Variants in THADA observed in about 807,000 individuals in gnomAD.
THADA encodes the protein THADA armadillo repeat containing.
In THADA, 213 loss-of-function variants were observed where a neutral mutation model predicts 219.8. The observed-to-expected ratio is 0.97, with a 90% CI of 0.87 to 1.09. THADA has a LOEUF of 1.09. THADA is among the 50% of genes least tolerant of loss of function. THADA has a pLI of 0.00. For synonymous variants in THADA, 1,018 were observed against 828.9 expected (o/e 1.23, Z -3.92); for missense variants, 2,956 against 2,311.3 (o/e 1.28, Z -5.72).
At chr2:43,568,844 A>G (rs1698973797) in intron 14 of THADA, among the ~76,000 whole-genome samples, 1 of 152,158 alleles carries the variant, frequency 6.6e-6, no homozygotes, top group South Asian at 2.1e-4. Context: ...GGATTTTGAA[A>G]CCAGCCTGGG....
chr2:43,375,655 T>C (rs974641035), intron 29 of THADA, among the ~76,000 whole-genome samples: 4 of 152,216 alleles, frequency 2.6e-5, no homozygotes, highest in African/African-American at 9.7e-5. Flanking sequence ...GTTTTCTTTT[T>C]CTAAATACAA....
Position 43,325,967 on chromosome 2 carries a change from T to G in THADA, c.4344-5427A>C, listed in dbSNP as rs114566928. 9.8e-4 allele frequency among the ~76,000 whole-genome samples: 149 copies of G among 152,316 alleles called. 2 individuals are homozygous for G. The highest frequency in any genetic ancestry group is 3.3e-3 in the African/African-American group (138 of 41,566). On this transcript the variant is annotated intron_variant, in intron 30 of 37. Coordinates refer to ENST00000405975, the MANE Select transcript of THADA (RefSeq NM_022065.5). ...GTATCCAAAATGGCAGTGGATATCTTGAAAGCACACATTCCTGAAATTAAA... is the reference window on the plus strand; with the variant it reads ...GTATCCAAAATGGCAGTGGATATCTGGAAAGCACACATTCCTGAAATTAAA...
chr2:43,257,281 C>A (rs1317979031), intron 36 of THADA, among the ~76,000 whole-genome samples: 2 of 152,226 alleles, frequency 1.3e-5, no homozygotes, highest in Admixed American at 6.5e-5. Context: ...AGTGTCTGCT[C>A]CCACTGGGAG....
intron 30 of THADA, among the ~76,000 whole-genome samples, chr2:43,334,006 G>C (rs1305154826): frequency 6.6e-6 from 1 of 152,194 alleles, no homozygotes; most frequent in East Asian, 1.9e-4. Flanking sequence ...CTGTTGTAAA[G>C]CAAAATAGAA....
chr2:43,514,868 TTATG>T (rs1691125067), intron 22 of THADA, among the ~76,000 whole-genome samples: 2 of 83,392 alleles, frequency 2.4e-5, no homozygotes, highest in South Asian at 8.1e-4. Flanking sequence ...AATATATATT[TTATG>T]TATAATATGT....
intron 30 of THADA, among the ~76,000 whole-genome samples, chr2:43,331,839 G>A (rs536383135): frequency 6.6e-6 from 1 of 151,322 alleles, no homozygotes; most frequent in African/African-American, 2.4e-5. Context: ...GTACTTCTAT[G>A]TATTTCACTG....
intron 21 of THADA, among the ~76,000 whole-genome samples, chr2:43,539,224 T>C (rs963150866): frequency 2.6e-5 from 4 of 152,220 alleles, no homozygotes; most frequent in Admixed American, 6.5e-5. Context: ...CTTAAACTCA[T>C]AGTTTTACCA....
chr2:43,344,323 T>G, intron 29 of THADA, 86 bp from the exon 30 acceptor site: 1 of 931,562 alleles, frequency 1.1e-6, no homozygotes, highest in South Asian at 1.7e-5. Flanking sequence ...TTCCTTAAAA[T>G]GTTCCCCTCA....
At chr2:43,300,503 A>C (rs1051042433) in intron 31 of THADA, among the ~76,000 whole-genome samples, 3 of 152,174 alleles carry the variant, frequency 2.0e-5, no homozygotes, top group Non-Finnish European at 4.4e-5. Context: ...AAAGACCAAA[A>C]TGAATGCGAT....
At chr2:43,350,401 C>T (rs1668116892) in intron 29 of THADA, among the ~76,000 whole-genome samples, 1 of 152,132 alleles carries the variant, frequency 6.6e-6, no homozygotes. Flanking sequence ...GGTGGGAAGG[C>T]AAGAGAGAGA....
At chr2:43,536,746 T>C (rs1321854924) in intron 21 of THADA, among the ~76,000 whole-genome samples, 1 of 152,088 alleles carries the variant, frequency 6.6e-6, no homozygotes, top group East Asian at 1.9e-4. Context: ...AAATCTACCC[T>C]TTATCTAGAG....
intron 29 of THADA, among the ~76,000 whole-genome samples, chr2:43,381,912 T>C (rs758250256): frequency 7.9e-5 from 12 of 152,122 alleles, no homozygotes; most frequent in Non-Finnish European, 1.3e-4. Flanking sequence ...TAGCATGTGA[T>C]AGCATGTACC....
At chr2:43,241,835 C>A (rs886212381) in intron 36 of THADA, among the ~76,000 whole-genome samples, 5 of 152,080 alleles carry the variant, frequency 3.3e-5, no homozygotes, top group South Asian at 2.1e-4. Flanking sequence ...GAGTTGGTGA[C>A]CCCTGTGAAA....
intron 29 of THADA, among the ~76,000 whole-genome samples, chr2:43,354,885 G>C (rs11883502): frequency 0.033 from 4,978 of 152,230 alleles, 211 homozygotes; most frequent in African/African-American, 0.096. Context: ...ATGATAGAGA[G>C]TGAGTTCTCA....
chr2:43,555,836 G>A (rs1697281048), intron 17 of THADA, among the ~76,000 whole-genome samples: 2 of 152,074 alleles, frequency 1.3e-5, no homozygotes, highest in Admixed American at 6.6e-5. Flanking sequence ...AATGAAGACT[G>A]ACTAGCATAA....
intron 28 of THADA, among the ~76,000 whole-genome samples, chr2:43,415,687 G>A (rs183954551): frequency 1.1e-4 from 17 of 152,200 alleles, no homozygotes; most frequent in African/African-American, 3.1e-4. Flanking sequence ...AGCGACACTA[G>A]TTCTCTTCTG....
intron 31 of THADA, among the ~76,000 whole-genome samples, chr2:43,297,313 G>C (rs1268224333): frequency 1.3e-4 from 13 of 97,216 alleles, no homozygotes; most frequent in South Asian, 7.7e-4. Context: ...CAACCACCCC[G>C]TCTGAGAAGT....
rs1418908095 is a variant in THADA at position 43,498,879 on chromosome 2, T to A, written c.3698A>T (p.Asp1233Val). 40 of 1,612,040 alleles carry A rather than the reference T, an allele frequency of 2.5e-5. No individual in the cohort carries two copies. The highest frequency in any genetic ancestry group is 6.7e-5 in the Admixed American group (4 of 59,790). Residue 1233 changes from aspartate to valine, a missense_variant, in exon 25 of 38, where the codon GAT (aspartate) becomes GTT (valine). Transcript: ENST00000405975. The part of the protein sequence containing the change: ...LGENIIPYVA[D>V]GAKAAILGFT... ...ACCCAGAATTGCAGCCTTAGCTCCA[T>A]CAGCAACATAAGGAATAATATTTTC...
At chr2:43,571,264 T>C (rs1699265760) in intron 13 of THADA, among the ~76,000 whole-genome samples, 1 of 150,914 alleles carries the variant, frequency 6.6e-6, no homozygotes, top group African/African-American at 2.4e-5. Flanking sequence ...TTTTTTTTTT[T>C]TTTTGGAGAC....
Sources: gnomAD v4.1 joint callset for allele counts (sites outside exome capture counted in the v4.1 genomes callset) on GRCh38, gnomAD v4.1.1 for gene constraint, MANE v1.5 for transcripts, NCBI Gene and HGNC (gene_info 2026-07-23, HGNC 2026-07-21) for gene names.